Variants in RPSA2 observed in about 807,000 individuals in gnomAD.
RPSA2 encodes small ribosomal subunit protein uS2B.
the RPSA2 span, chr19:23,762,951 G>T: frequency 6.6e-6 from 1 of 152,392 alleles, no homozygotes; most frequent in Non-Finnish European, 1.5e-5. Context: ...CGCAGCCGGA[G>T]AGGAGGGCGT....
the RPSA2 span, among the ~76,000 whole-genome samples, chr19:23,865,696 C>T: frequency 6.6e-6 from 1 of 152,128 alleles, no homozygotes; most frequent in South Asian, 2.1e-4. Context: ...GTAGAAACCC[C>T]CACACAACAA....
chr19:23,822,966 A>G, the RPSA2 span, among the ~76,000 whole-genome samples: 3 of 152,160 alleles, frequency 2.0e-5, no homozygotes, highest in African/African-American at 4.8e-5. Context: ...GTCTGCAACC[A>G]TGCAGGTGGA....
the RPSA2 span, among the ~76,000 whole-genome samples, chr19:23,766,142 CCTTTTT>C: frequency 2.3e-5 from 1 of 43,260 alleles, no homozygotes; most frequent in African/African-American, 7.8e-5. Context: ...TATTTCATTT[CCTTTTT>C]TTTTTTTTTT....
chr19:23,789,520 T>G, the RPSA2 span, among the ~76,000 whole-genome samples: 2 of 152,198 alleles, frequency 1.3e-5, no homozygotes, highest in Non-Finnish European at 2.9e-5. Flanking sequence ...CTATGATGAT[T>G]CTCACACCTT....
At chr19:23,834,134 A>ATT in the RPSA2 span, among the ~76,000 whole-genome samples, 1 of 152,092 alleles carries the variant, frequency 6.6e-6, no homozygotes, top group African/African-American at 2.4e-5. Flanking sequence ...ACTGTAAATC[A>ATT]GAGTGCTGCG....
At chr19:23,767,860 G>A in the RPSA2 span, among the ~76,000 whole-genome samples, 2 of 149,376 alleles carry the variant, frequency 1.3e-5, no homozygotes, top group African/African-American at 5.0e-5. Flanking sequence ...TCCGCCTCCC[G>A]GGTTCAAGCT....
At chr19:23,832,960 G>T in the RPSA2 span, 1 of 1,479,686 alleles carries the variant, frequency 6.8e-7, no homozygotes, top group Non-Finnish European at 9.1e-7. Flanking sequence ...TCACAGTGGA[G>T]TAAAACCCTA....
the RPSA2 span, chr19:23,833,197 A>G: frequency 5.0e-6 from 6 of 1,188,310 alleles, no homozygotes; most frequent in Non-Finnish European, 6.3e-6. Flanking sequence ...TAAACATAAG[A>G]AAATTTATAC....
the RPSA2 span, among the ~76,000 whole-genome samples, chr19:23,853,483 A>G: frequency 6.6e-6 from 1 of 152,250 alleles, no homozygotes; most frequent in Non-Finnish European, 1.5e-5. Context: ...GCAGCCACTG[A>G]TCAAACAGGT....
At chr19:23,793,769 T>A in the RPSA2 span, among the ~76,000 whole-genome samples, 2 of 152,082 alleles carry the variant, frequency 1.3e-5, no homozygotes, top group Admixed American at 1.3e-4. Context: ...TTTCACCATG[T>A]TGGCCAGGAT....
the RPSA2 span, among the ~76,000 whole-genome samples, chr19:23,860,725 AAAT>A: frequency 7.2e-5 from 11 of 152,204 alleles, no homozygotes; most frequent in African/African-American, 2.7e-4. Context: ...ATAACAATGA[AAAT>A]AATAATAATA....
chr19:23,804,998 C>T, the RPSA2 span, among the ~76,000 whole-genome samples: 17 of 39,678 alleles, frequency 4.3e-4, no homozygotes, highest in African/African-American at 1.6e-3. Flanking sequence ...AAGAGGGGTC[C>T]AGGAACCTGT....
the RPSA2 span, among the ~76,000 whole-genome samples, chr19:23,772,435 A>AC: frequency 6.6e-6 from 1 of 152,200 alleles, no homozygotes; most frequent in South Asian, 2.1e-4. Flanking sequence ...TTAAATGGTG[A>AC]CATATACTAT....
At chr19:23,837,393 A>C in the RPSA2 span, among the ~76,000 whole-genome samples, 1 of 152,026 alleles carries the variant, frequency 6.6e-6, no homozygotes, top group Non-Finnish European at 1.5e-5. Context: ...TATACTTTGA[A>C]ATCAGGTAGT....
the RPSA2 span, among the ~76,000 whole-genome samples, chr19:23,808,294 G>T: frequency 2.0e-4 from 1 of 5,068 alleles, no homozygotes; most frequent in Admixed American, 2.3e-3. Context: ...TTTGGAGATG[G>T]AGTCTTGCTC....
the RPSA2 span, among the ~76,000 whole-genome samples, chr19:23,759,765 GC>G: frequency 6.6e-6 from 1 of 151,530 alleles, no homozygotes; most frequent in East Asian, 1.9e-4. Context: ...CTCGTGATTG[GC>G]CCGCCTCAGC....
At chr19:23,822,660 C>G in the RPSA2 span, among the ~76,000 whole-genome samples, 3 of 152,120 alleles carry the variant, frequency 2.0e-5, no homozygotes, top group Non-Finnish European at 4.4e-5. Context: ...TTGAAGGTGG[C>G]CTGCTTGATC....
the RPSA2 span, among the ~76,000 whole-genome samples, chr19:23,817,262 A>T: frequency 6.6e-6 from 1 of 152,116 alleles, no homozygotes; most frequent in East Asian, 1.9e-4. Flanking sequence ...CATGCCTGTA[A>T]TCCCAGCTAC....
At chr19:23,777,583 T>C in the RPSA2 span, among the ~76,000 whole-genome samples, 108 of 151,064 alleles carry the variant, frequency 7.1e-4, no homozygotes, top group African/African-American at 2.5e-3. Flanking sequence ...GCCCACAGGA[T>C]GCTTTGTGGC....
Sources: allele counts gnomAD v4.1 joint callset (sites outside exome capture counted in the v4.1 genomes callset), GRCh38; gene constraint gnomAD v4.1.1; transcripts MANE v1.5; gene names NCBI Gene and HGNC (gene_info 2026-07-23, HGNC 2026-07-21).